The following WDR81 variants were observed in gnomAD, a reference collection of about 807,000 sequenced individuals.
The protein encoded by WDR81 is WD repeat domain 81, also known as WD repeat-containing protein 81.
WDR81 carries 92 observed loss-of-function variants against 140.8 expected under a neutral mutation model. The ratio of observed to expected loss-of-function variants is 0.65; its 90% CI spans 0.55 to 0.78. WDR81 has a LOEUF of 0.78. WDR81 is among the 30% of genes least tolerant of loss of function. WDR81 has a pLI of 0.00. For synonymous variants in WDR81, 1,183 were observed against 1,156.4 expected (o/e 1.02, Z -0.47); for missense variants, 2,502 against 2,636.4 (o/e 0.95, Z 1.12).
At chr17:1,720,768 A>G (rs1350698411), upstream of WDR81, among the ~76,000 whole-genome samples, 1 of 53,670 alleles carries the variant, frequency 1.9e-5, no homozygotes, top group Non-Finnish European at 4.3e-5. Flanking sequence ...CCGTATCAAG[A>G]AAAAAAAAAA....
At position 1,725,277 on chromosome 17, in the gene WDR81, G is replaced by C; in HGVS notation, c.318G>C (p.Glu106Asp). The change falls in exon 1 of 10, where the codon GAG becomes GAC. Residue 106 changes from glutamate (E) to aspartate (D), a missense_variant. Coordinates refer to ENST00000409644, the MANE Select transcript of WDR81 (RefSeq NM_001163809.2). Reference protein sequence around the residue: ...QRLPAGWTRVEVHGLRKRRLS... With the variant: ...QRLPAGWTRVDVHGLRKRRLS... Reference sequence around the variant, plus strand: ...TGCCTGCCGGCTGGACGCGCGTGGAGGTGCATGGGCTGCGGAAGCGGAGAC... The same window carrying C: ...TGCCTGCCGGCTGGACGCGCGTGGACGTGCATGGGCTGCGGAAGCGGAGAC... 2 of 1,546,232 alleles carry C rather than the reference G, an allele frequency of 1.3e-6. No homozygotes were observed. The highest frequency in any genetic ancestry group is 1.7e-6 in the Non-Finnish European group (2 of 1,146,956).
At chr17:1,716,644 AT>A in intron 1 of WDR81, 2 of 1,551,650 alleles carry the variant, frequency 1.3e-6, no homozygotes, top group Non-Finnish European at 1.7e-6. Context: ...GTGAGTTGGC[AT>A]TTTTAAACTG....
chr17:1,732,218 C>G, intron 4 of WDR81, 107 bp from the exon 5 acceptor site: 1 of 1,451,724 alleles, frequency 6.9e-7, no homozygotes, highest in South Asian at 1.4e-5. Context: ...GCCTGGATGA[C>G]AGAGCAAGAC....
rs144705199 is a variant in WDR81 at position 1,730,808 on chromosome 17, G to T, written c.3829G>T (p.Ala1277Ser). 9.3e-6 allele frequency: 15 copies of T among 1,612,330 alleles called. No homozygotes were observed. The highest frequency in any genetic ancestry group is 1.2e-5 in the Non-Finnish European group (14 of 1,179,932). Residue 1277 changes from alanine (A) to serine (S), a missense_variant, in exon 3 of 10, where the codon GCC becomes TCC. Ala to Ser is a moderately conservative substitution (Grantham distance 99, BLOSUM62 1). Transcript: ENST00000409644. ...VSSGESPPLS[A>S]GNIYQKRPVL... is the part of the protein sequence containing the mutation. ...CAGTGGCGAGAGCCCACCGCTGAGC[G>T]CCGGCAACATCTACCAGAAGAGGCC...
upstream of WDR81, among the ~76,000 whole-genome samples, chr17:1,722,341 C>T (rs774431486): frequency 6.6e-6 from 1 of 150,400 alleles, no homozygotes; most frequent in Non-Finnish European, 1.5e-5. Flanking sequence ...TTCCTGTTTT[C>T]TCTCTCTTTT....
intron 9 of WDR81, among the ~76,000 whole-genome samples, chr17:1,737,137 T>C (rs1032520577): frequency 6.6e-6 from 1 of 152,202 alleles, no homozygotes; most frequent in African/African-American, 2.4e-5. Flanking sequence ...CCTGGCACCA[T>C]GCCTGTGCGT....
chr17:1,732,439 C>G lies in WDR81; in HGVS notation c.4272C>G (p.Pro1424=), dbSNP rs138865714. ...TGGTCCAGCAGCACCTGAGCGAGCC[C>G]GTGGCCACCTTTTTCCAGGTCTTCT... ...QEMVQQHLSE[P]VATFFQVFSQ... is the part of the protein sequence containing the mutation. The change falls in exon 5 of 10, where the codon CCC becomes CCG. Residue 1424 remains proline (P), a synonymous_variant. Coordinates refer to ENST00000409644, the MANE Select transcript of WDR81 (RefSeq NM_001163809.2). 6.2e-7 allele frequency: 1 copy of G among 1,600,926 alleles called. No homozygotes were observed. The highest frequency in any genetic ancestry group is 1.7e-5 in the Admixed American group (1 of 59,564).
At chr17:1,721,291 G>A (rs1231297235), upstream of WDR81, among the ~76,000 whole-genome samples, 1 of 152,056 alleles carries the variant, frequency 6.6e-6, no homozygotes, top group South Asian at 2.1e-4. Flanking sequence ...CCCGGGAGGC[G>A]GAGGTTGTGG....
chr17:1,731,196 G>T lies in WDR81; in HGVS notation c.4095G>T (p.Leu1365=), dbSNP rs1399674094. 2 of 1,613,606 alleles carry T rather than the reference G, an allele frequency of 1.2e-6. No homozygotes were observed. The highest frequency in any genetic ancestry group is 2.2e-5 in the East Asian group (1 of 44,880). The stretch of plus-strand genomic sequence containing the variant: ...CAGACACCACACTCATGGACATCCT[G>T]CCCCGGATCAGCCATGAGGTCCTGC... ...YLSDTTLMDI[L]PRISHEVLLP... The change falls in exon 4 of 10, where the codon CTG becomes CTT. Residue 1365 remains leucine, a synonymous_variant. Coordinates refer to ENST00000409644, the MANE Select transcript of WDR81 (RefSeq NM_001163809.2).
chr17:1,733,701 A>G lies in WDR81; in HGVS notation c.4664A>G (p.His1555Arg). ...GGGGGCTGCCCTCAGGATGACGGCC[A>G]CTCAGGGACCTTTGGGAGCGTCCTG... ...HGGGCPQDDG[H>R]SGTFGSVLVG... The change falls in exon 7 of 10, where the codon CAC (histidine) becomes CGC (arginine). Residue 1555 changes from histidine to arginine, a missense_variant. Transcript: ENST00000409644. 6.2e-7 allele frequency: 1 copy of G among 1,612,356 alleles called. No individual in the cohort carries two copies. Among genetic ancestry groups the G allele is most frequent in the Non-Finnish European group, 8.5e-7 (1 of 1,179,732 alleles).
rs1199560897 is a variant in WDR81, at chr17:1,730,434, CCT to C, written c.3726_3727del (p.Arg1243ProfsTer95). ...TCTGCCAAGCTCGGCCCCACAGTGG[CCT>C]CTCGCCACGTGGCCCGGAACCTGCT... On this transcript the variant is annotated frameshift_variant, in exon 2 of 10. Coordinates refer to ENST00000409644, the MANE Select transcript of WDR81 (RefSeq NM_001163809.2). LOFTEE classifies it high-confidence loss of function. 1 of 1,613,286 alleles carries C rather than the reference CCT, an allele frequency of 6.2e-7. No homozygotes were observed. Among genetic ancestry groups the C allele is most frequent in the East Asian group, 2.2e-5 (1 of 44,882 alleles).
At chr17:1,723,465 A>T (rs1440550113), upstream of WDR81, among the ~76,000 whole-genome samples, 2 of 104,474 alleles carry the variant, frequency 1.9e-5, no homozygotes, top group Admixed American at 9.2e-5. Flanking sequence ...ATTTTTATTT[A>T]TTTATTTATT....
chr17:1,727,314 C>G lies in WDR81; in HGVS notation c.2355C>G (p.Thr785=). The change falls in exon 1 of 10, where the codon ACC becomes ACG. Residue 785 remains threonine, a synonymous_variant. Coordinates refer to ENST00000409644, the MANE Select transcript of WDR81 (RefSeq NM_001163809.2). ...TATTGGCAGAGATGGTGTTTGCCAC[C>G]AGGGTGCGGACGCTGCAGCCCGATG... The part of the protein sequence containing the change: ...GVLLAEMVFA[T]RVRTLQPDAP... The G allele has an allele frequency of 6.5e-7, 1 of 1,549,990 alleles. No individual in the cohort carries two copies. The highest frequency in any genetic ancestry group is 1.4e-5 in the African/African-American group (1 of 73,176).
Position 1,725,032 on chromosome 17 carries a change from C to G in WDR81, c.73C>G (p.Pro25Ala). 6.8e-7 allele frequency: 1 copy of G among 1,473,052 alleles called. No individual in the cohort carries two copies. Among genetic ancestry groups the G allele is most frequent in the South Asian group, 1.4e-5 (1 of 72,508 alleles). The allele number at this position is 1,473,052 out of a possible 1,614,324, so 91.2% of individuals were successfully genotyped here. A position where few individuals can be genotyped will look rare whatever the true frequency, so the allele number is the denominator to read the frequency against. The change falls in exon 1 of 10, where the codon CCA becomes GCA. Residue 25 changes from proline to alanine, a missense_variant. Physicochemically the swap from Pro to Ala is conservative, Grantham distance 27 (BLOSUM62 -1). This residue lies in a region of WDR81 where 547 missense variants were observed against 513.8 expected (regional missense o/e 1.06). Transcript: ENST00000409644. Reference sequence around the variant, plus strand: ...CGGGGGCTGGCATTCCCCGCCAAGCCCAGACATGCAGGAGCTGCTCCGGAG... The same window carrying G: ...CGGGGGCTGGCATTCCCCGCCAAGCGCAGACATGCAGGAGCTGCTCCGGAG... ...PAGGWHSPPS[P>A]DMQELLRSVE...
chr17:1,728,345 G>C lies in WDR81; in HGVS notation c.3386G>C (p.Gly1129Ala), dbSNP rs757587282. ...LGEERAPDEG[G>A]APVDKSSLRS... ...GAGGAGCGGGCTCCAGACGAGGGGG[G>C]TGCCCCCGTGGACAAGAGCAGCCTT... The change falls in exon 1 of 10, where the codon GGT becomes GCT. Residue 1129 changes from glycine (G) to alanine (A), a missense_variant. This residue lies in a region of WDR81 where 1,737 missense variants were observed against 1,843.0 expected (regional missense o/e 0.94). Coordinates refer to ENST00000409644, the MANE Select transcript of WDR81 (RefSeq NM_001163809.2). 2.5e-6 allele frequency: 4 copies of C among 1,612,802 alleles called. No individual in the cohort carries two copies. The highest frequency in any genetic ancestry group is 2.2e-5 in the South Asian group (2 of 91,088).
chr17:1,735,181 G>A lies in WDR81; in HGVS notation c.5180-391G>A, dbSNP rs1306529292. Reference sequence around the variant, plus strand: ...GCGGTGGCTCACGCCTGTAATCCCAGCACTTTGGGAGGCCAAAGTGGGTGG... The same window carrying A: ...GCGGTGGCTCACGCCTGTAATCCCAACACTTTGGGAGGCCAAAGTGGGTGG... On this transcript the variant is annotated intron_variant, in intron 7 of 9. Coordinates refer to ENST00000409644, the MANE Select transcript of WDR81 (RefSeq NM_001163809.2). This position sits in a 1 kb window ranked among gnomAD's most constrained non-coding sequence, Gnocchi z 4.2. Among the ~76,000 whole-genome samples, 1 of 152,186 alleles carries A rather than the reference G, an allele frequency of 6.6e-6. No individual in the cohort carries two copies. The highest frequency in any genetic ancestry group is 1.5e-5 in the Non-Finnish European group (1 of 68,034).
Position 1,732,493 on chromosome 17 carries a change from G to A in WDR81, c.4323+3G>A. ...AGCTGCATGAGCTTCGGCAACAGGT[G>A]GGCAGATCTGCTGGGCCAGGGCGGG... On this transcript the variant is annotated splice_donor_region_variant and intron_variant, in intron 5 of 9. Coordinates refer to ENST00000409644, the MANE Select transcript of WDR81 (RefSeq NM_001163809.2). 3 of 1,612,576 alleles carry A rather than the reference G, an allele frequency of 1.9e-6. No individual in the cohort carries two copies. The highest frequency in any genetic ancestry group is 1.3e-5 in the African/African-American group (1 of 75,012).
Position 1,726,180 on chromosome 17 carries a change from C to A in WDR81, c.1221C>A (p.Asn407Lys), listed in dbSNP as rs558623023. The A allele has an allele frequency of 2.0e-6, 3 of 1,520,098 alleles. No homozygotes were observed. The highest frequency in any genetic ancestry group is 1.4e-5 in the African/African-American group (1 of 72,584). The allele number at this position is 1,520,098 out of a possible 1,614,324, so 94.2% of individuals were successfully genotyped here. The change falls in exon 1 of 10, where the codon AAC (asparagine) becomes AAA (lysine). Residue 407 changes from asparagine (N) to lysine (K), a missense_variant. Around this residue, in one of 3 missense-constraint regions of WDR81, gnomAD observed 218 missense variants for 279.6 expected, o/e 0.78. Transcript: ENST00000409644. ...RDLRKSKFRL[N>K]KGDKQLDFTY... ...TGCGCAAGTCCAAGTTCCGCCTCAA[C>A]AAGGGGGATAAGCAACTGGACTTCA...
At chr17:1,723,075 A>T (rs952783664), upstream of WDR81, among the ~76,000 whole-genome samples, 2 of 152,210 alleles carry the variant, frequency 1.3e-5, no homozygotes, top group African/African-American at 2.4e-5. Context: ...CTCTCCTAAG[A>T]GGGAGACAAA....
Sources: gnomAD v4.1 joint callset for allele counts (sites outside exome capture counted in the v4.1 genomes callset) on GRCh38, gnomAD v4.1.1 for gene constraint, gnomAD v4.1.1 regional missense constraint, Gnocchi (gnomAD v3.1) non-coding constraint, MANE v1.5 for transcripts, NCBI Gene and HGNC (gene_info 2026-07-23, HGNC 2026-07-21) for gene names.